The following FMN2 variants were observed in gnomAD, a reference collection of about 807,000 sequenced individuals.
FMN2 encodes formin-2.
A neutral mutation model predicts 142.3 loss-of-function variants in FMN2; 51 were observed. The observed-to-expected ratio is 0.36, with a 90% CI of 0.29 to 0.45. FMN2 has a LOEUF of 0.45. FMN2 is among the 20% of genes least tolerant of loss of function. The pLI, the probability that FMN2 is intolerant of heterozygous loss-of-function variation, is 1.00. For missense variants in FMN2, 1,936 were observed against 2,122.8 expected, an observed-to-expected ratio of 0.91 and a Z score of 1.73; for synonymous variants, 882 against 869.8, an observed-to-expected ratio of 1.01 and a Z score of -0.25.
At chr1:240,373,867 T>C (rs934531654) in intron 14 of FMN2, among the ~76,000 whole-genome samples, 5 of 152,202 alleles carry the variant, frequency 3.3e-5, no homozygotes, top group African/African-American at 1.2e-4. Flanking sequence ...TTTTAGATAG[T>C]TTTCAATTGA....
chr1:240,151,632 T>C (rs1663780324), intron 2 of FMN2, among the ~76,000 whole-genome samples: 1 of 152,154 alleles, frequency 6.6e-6, no homozygotes, highest in Non-Finnish European at 1.5e-5. Context: ...ATCTTTATGA[T>C]AGGCATTTAG....
intron 8 of FMN2, among the ~76,000 whole-genome samples, chr1:240,305,695 A>G (rs764235624): frequency 3.3e-5 from 5 of 152,208 alleles, no homozygotes; most frequent in Non-Finnish European, 5.9e-5. Flanking sequence ...TAGCTATTGT[A>G]TAATGCCAAG....
chr1:240,278,114 A>AT (rs1433477669), intron 7 of FMN2, among the ~76,000 whole-genome samples: 1 of 152,334 alleles, frequency 6.6e-6, no homozygotes, highest in African/African-American at 2.4e-5. Flanking sequence ...CTGTGCATAT[A>AT]TTAATGCTTC....
At chr1:240,096,823 T>A (rs1236899302) in intron 1 of FMN2, among the ~76,000 whole-genome samples, 1 of 152,244 alleles carries the variant, frequency 6.6e-6, no homozygotes, top group Non-Finnish European at 1.5e-5. Flanking sequence ...TGTCTGTGTC[T>A]CTTTGGTAGA....
At chr1:240,435,526 GCATATGTAATATAA>G (rs1282026800) in intron 15 of FMN2, among the ~76,000 whole-genome samples, 1 of 151,662 alleles carries the variant, frequency 6.6e-6, no homozygotes, top group African/African-American at 2.4e-5. Flanking sequence ...AAAATATATA[GCATATGTAATATAA>G]CATATGTAAT....
intron 15 of FMN2, among the ~76,000 whole-genome samples, chr1:240,425,905 C>A (rs377480371): frequency 1.3e-5 from 2 of 152,308 alleles, no homozygotes; most frequent in East Asian, 1.9e-4. Context: ...ATAGTTACTA[C>A]CTGCTCCCTG....
At chr1:240,228,303 CAAAAAAAAAAAAAAAAAAAAAAAAAAAA>C (rs577421634) in intron 6 of FMN2, among the ~76,000 whole-genome samples, 5 of 47,726 alleles carry the variant, frequency 1.0e-4, no homozygotes, top group Non-Finnish European at 1.3e-4. Flanking sequence ...AACTCTGTCT[CAAAAAAAAAAAAAAAAAAAAAAAAAAAA>C]AGAAAAAGAA....
At chr1:240,430,726 A>C (rs987321091) in intron 15 of FMN2, among the ~76,000 whole-genome samples, 13 of 149,342 alleles carry the variant, frequency 8.7e-5, no homozygotes, top group Non-Finnish European at 1.3e-4. Flanking sequence ...AAAAAAAAAA[A>C]AAAAAACTTT....
At chr1:240,409,768 A>C (rs1291821939) in intron 15 of FMN2, among the ~76,000 whole-genome samples, 1 of 152,204 alleles carries the variant, frequency 6.6e-6, no homozygotes, top group Non-Finnish European at 1.5e-5. Context: ...CAAGATGTTA[A>C]ATAGTGATAA....
chr1:240,208,802 G>A (rs1451713393), intron 5 of FMN2, 70 bp downstream of exon 5: 3 of 1,499,160 alleles, frequency 2.0e-6, no homozygotes, highest in African/African-American at 1.4e-5. Flanking sequence ...CTTCAAACTC[G>A]GGAAAATTAC....
chr1:240,388,624 G>A (rs1199175855), intron 14 of FMN2, among the ~76,000 whole-genome samples: 1 of 152,096 alleles, frequency 6.6e-6, no homozygotes, highest in African/African-American at 2.4e-5. Flanking sequence ...GTCTTTGGGA[G>A]GCTGAGGCAG....
intron 2 of FMN2, chr1:240,144,524 C>G (rs1042608347): frequency 6.8e-7 from 1 of 1,469,740 alleles, no homozygotes; most frequent in East Asian, 2.3e-5. Context: ...CACATCCTCG[C>G]AGGATGTGAA....
chr1:240,299,431 A>G (rs1331110206), intron 8 of FMN2, among the ~76,000 whole-genome samples: 2 of 152,184 alleles, frequency 1.3e-5, no homozygotes, highest in Non-Finnish European at 1.5e-5. Flanking sequence ...AAACATCAGT[A>G]TAAAAGGAAA....
chr1:240,459,717 T>TAAAAAAAAAAAAAAAA (rs57065226), intron 16 of FMN2, among the ~76,000 whole-genome samples: 9 of 67,132 alleles, frequency 1.3e-4, no homozygotes, highest in South Asian at 6.3e-4. Context: ...ACTCTGTCTC[T>TAAAAAAAAAAAAAAAA]AAAAAAAAAA....
At chr1:240,196,199 A>G (rs1665903593) in intron 4 of FMN2, among the ~76,000 whole-genome samples, 1 of 152,218 alleles carries the variant, frequency 6.6e-6, no homozygotes, top group African/African-American at 2.4e-5. Flanking sequence ...AGTTTAAGGA[A>G]CAATTACCTG....
intron 2 of FMN2, among the ~76,000 whole-genome samples, chr1:240,128,226 T>C (rs993954013): frequency 2.0e-5 from 3 of 152,240 alleles, no homozygotes; most frequent in African/African-American, 7.2e-5. Flanking sequence ...ATTTGGAACC[T>C]ACTCTAGTCA....
chr1:240,324,278 C>T (rs1671076266), intron 8 of FMN2, among the ~76,000 whole-genome samples: 1 of 152,160 alleles, frequency 6.6e-6, no homozygotes, highest in African/African-American at 2.4e-5. Context: ...TTTTCCAGAG[C>T]ACTGTCGGAT....
intron 8 of FMN2, among the ~76,000 whole-genome samples, chr1:240,307,697 A>C (rs927522155): frequency 6.6e-6 from 1 of 151,990 alleles, no homozygotes; most frequent in Non-Finnish European, 1.5e-5. Context: ...TGTTCTTTTT[A>C]CTTAGGATTG....
At chr1:240,177,814 C>A in intron 2 of FMN2, 107 bp from the exon 3 acceptor site, 2 of 905,652 alleles carry the variant, frequency 2.2e-6, no homozygotes, top group South Asian at 3.0e-5. Context: ...TATATGTATG[C>A]ATATATAAGT....
Sources: allele counts gnomAD v4.1 joint callset (sites outside exome capture counted in the v4.1 genomes callset), GRCh38; gene constraint gnomAD v4.1.1; transcripts MANE v1.5; gene names NCBI Gene and HGNC (gene_info 2026-07-23, HGNC 2026-07-21).